Variants in MYO3B observed in about 807,000 individuals in gnomAD.
MYO3B encodes myosin-IIIb.
A neutral mutation model predicts 174.6 loss-of-function variants in MYO3B; 156 were observed. That is an observed-to-expected ratio of 0.89 (90% CI 0.78 to 1.02). The LOEUF is 1.02. Ranked by LOEUF, MYO3B falls within the 50% of genes least tolerant of loss-of-function variation. The pLI, the probability that MYO3B is intolerant of heterozygous loss-of-function variation, is 0.00. For synonymous variants in MYO3B, 563 were observed against 569.1 expected (o/e 0.99, Z 0.15); for missense variants, 1,632 against 1,639.4 (o/e 1.00, Z 0.08).
intron 32 of MYO3B, among the ~76,000 whole-genome samples, chr2:170,545,266 T>A (rs1030022638): frequency 4.6e-5 from 7 of 152,228 alleles, no homozygotes; most frequent in Non-Finnish European, 8.8e-5. Context: ...TCTCCTGTGT[T>A]AATCAAGTTA....
intron 32 of MYO3B, among the ~76,000 whole-genome samples, chr2:170,558,762 AG>A (rs1319778545): frequency 7.2e-5 from 11 of 152,220 alleles, no homozygotes; most frequent in South Asian, 2.1e-4. Flanking sequence ...TACCCTTGGC[AG>A]GGTGGCAAAG....
chr2:170,586,578 T>C (rs1181667945), intron 32 of MYO3B, among the ~76,000 whole-genome samples: 1 of 152,238 alleles, frequency 6.6e-6, no homozygotes, highest in Non-Finnish European at 1.5e-5. Context: ...TGATGTCTTT[T>C]ATTTTTCTGG....
intron 32 of MYO3B, among the ~76,000 whole-genome samples, chr2:170,597,885 A>G (rs1276936878): frequency 6.6e-6 from 1 of 152,190 alleles, no homozygotes; most frequent in Non-Finnish European, 1.5e-5. Context: ...AGATCAGGAC[A>G]ATATCAGAGT....
At chr2:170,572,703 C>T (rs1692521024) in intron 32 of MYO3B, among the ~76,000 whole-genome samples, 1 of 151,932 alleles carries the variant, frequency 6.6e-6, no homozygotes, top group African/African-American at 2.4e-5. Context: ...TGATGTGATG[C>T]ACCCCTTGTA....
chr2:170,195,914 C>T (rs999098437), intron 1 of MYO3B, among the ~76,000 whole-genome samples: 1 of 152,228 alleles, frequency 6.6e-6, no homozygotes, highest in Non-Finnish European at 1.5e-5. Flanking sequence ...CAAGTTGACA[C>T]TCAATATTAA....
chr2:170,249,077 G>A (rs979244415), intron 7 of MYO3B, among the ~76,000 whole-genome samples: 1 of 152,152 alleles, frequency 6.6e-6, no homozygotes, highest in African/African-American at 2.4e-5. Flanking sequence ...CCAGGCCTTT[G>A]CAGGCTATTC....
At chr2:170,606,114 T>A (rs1694790390) in intron 32 of MYO3B, among the ~76,000 whole-genome samples, 1 of 152,158 alleles carries the variant, frequency 6.6e-6, no homozygotes, top group African/African-American at 2.4e-5. Flanking sequence ...TCAGTACGTA[T>A]ATGGGACTCC....
chr2:170,374,459 G>A (rs962269902), intron 9 of MYO3B, among the ~76,000 whole-genome samples: 3 of 152,124 alleles, frequency 2.0e-5, no homozygotes, highest in Non-Finnish European at 4.4e-5. Context: ...CTGAGCTTGT[G>A]GGCAACTTCG....
At position 170,651,598 on chromosome 2, in the gene MYO3B, G is replaced by T. The variant is rs771282636; in HGVS notation, c.3734-30G>T. 4.2e-5 allele frequency: 67 copies of T among 1,598,714 alleles called. No individual in the cohort carries two copies. Among genetic ancestry groups the T allele is most frequent in the Non-Finnish European group, 5.7e-5 (66 of 1,166,118 alleles). ...CTTAATTTTCCCAACACCTCGGACAGTTTACAGCAAAGTTTTGCTCTTTTT... is the reference window on the plus strand; with the variant it reads ...CTTAATTTTCCCAACACCTCGGACATTTTACAGCAAAGTTTTGCTCTTTTT... On this transcript the variant is annotated intron_variant, in intron 32 of 34. Transcript: ENST00000408978.
chr2:170,495,372 G>C (rs1686798601), intron 25 of MYO3B, among the ~76,000 whole-genome samples: 1 of 152,082 alleles, frequency 6.6e-6, no homozygotes, highest in Non-Finnish European at 1.5e-5. Context: ...GATTACTATA[G>C]ATATGTCACT....
chr2:170,186,979 T>A (rs1400852269), intron 1 of MYO3B, among the ~76,000 whole-genome samples: 2 of 151,804 alleles, frequency 1.3e-5, no homozygotes. Context: ...CTCCTTTTCA[T>A]CTCTGATTAT....
At chr2:170,204,171 C>T (rs915204336) in intron 3 of MYO3B, among the ~76,000 whole-genome samples, 7 of 152,144 alleles carry the variant, frequency 4.6e-5, no homozygotes, top group Admixed American at 2.0e-4. Context: ...AAACATGATT[C>T]GTCCAACACC....
chr2:170,187,584 T>G (rs1218631606), intron 1 of MYO3B, among the ~76,000 whole-genome samples: 4 of 152,198 alleles, frequency 2.6e-5, no homozygotes, highest in African/African-American at 7.2e-5. Flanking sequence ...GTTTTTCTAC[T>G]TTTTTGTATG....
intron 30 of MYO3B, among the ~76,000 whole-genome samples, chr2:170,538,092 G>A (rs938241092): frequency 2.6e-5 from 4 of 152,136 alleles, no homozygotes; most frequent in Non-Finnish European, 5.9e-5. Flanking sequence ...AATCTGAGGG[G>A]AGCCAGTGTG....
intron 9 of MYO3B, 101 bp downstream of exon 9, chr2:170,369,478 C>A: frequency 7.6e-7 from 1 of 1,309,992 alleles, no homozygotes; most frequent in Non-Finnish European, 1.1e-6. Flanking sequence ...TTATTACATT[C>A]CTGCATTTTT....
chr2:170,352,504 G>A (rs1441960472), intron 8 of MYO3B, among the ~76,000 whole-genome samples: 1 of 152,182 alleles, frequency 6.6e-6, no homozygotes, highest in African/African-American at 2.4e-5. Flanking sequence ...ATATGACCAT[G>A]CTTTTGAATT....
chr2:170,252,185 C>A (rs370535048), intron 7 of MYO3B, among the ~76,000 whole-genome samples: 1 of 152,192 alleles, frequency 6.6e-6, no homozygotes, highest in Admixed American at 6.5e-5. Flanking sequence ...CCCTTCACCC[C>A]CTTCCTTTCC....
chr2:170,335,430 A>G lies in MYO3B; in HGVS notation c.795A>G (p.Glu265=). Residue 265 remains glutamate (E), a synonymous_variant, in exon 8 of 35, where the codon GAA becomes GAG. Coordinates refer to ENST00000408978, the MANE Select transcript of MYO3B (RefSeq NM_138995.5). Reference sequence around the variant, plus strand: ...TTCATCCAGAAAAATGGTGTGAAGAATTCAACCACTTTATTTCACAGTGAG... The same window carrying G: ...TTCATCCAGAAAAATGGTGTGAAGAGTTCAACCACTTTATTTCACAGTGAG... ...TLLHPEKWCE[E]FNHFISQCLI... is the part of the protein sequence containing the mutation. The G allele has an allele frequency of 3.1e-6, 5 of 1,612,428 alleles. No homozygotes were observed. The highest frequency in any genetic ancestry group is 4.2e-6 in the Non-Finnish European group (5 of 1,179,144).
At chr2:170,276,637 C>A (rs757574978) in intron 7 of MYO3B, among the ~76,000 whole-genome samples, 2 of 152,048 alleles carry the variant, frequency 1.3e-5, no homozygotes, top group Non-Finnish European at 2.9e-5. Flanking sequence ...AAGTGATGAC[C>A]ATCAAAAAGG....
Sources: gnomAD v4.1 joint callset for allele counts (sites outside exome capture counted in the v4.1 genomes callset) on GRCh38, gnomAD v4.1.1 for gene constraint, MANE v1.5 for transcripts, NCBI Gene and HGNC (gene_info 2026-07-23, HGNC 2026-07-21) for gene names.